The following GRIN1 variants were observed in gnomAD, a reference collection of about 807,000 sequenced individuals.
GRIN1 encodes glutamate receptor ionotropic, NMDA 1.
A neutral mutation model predicts 103.0 loss-of-function variants in GRIN1; 38 were observed. That is an observed-to-expected ratio of 0.37 (90% confidence interval 0.28 to 0.48). GRIN1 has a LOEUF of 0.48. Ranked by LOEUF, GRIN1 falls within the 20% of genes least tolerant of loss-of-function variation. The pLI, the probability that GRIN1 is intolerant of heterozygous loss-of-function variation, is 0.98. For synonymous variants in GRIN1, 544 were observed against 532.7 expected, an observed-to-expected ratio of 1.02 and a Z score of -0.29; for missense variants, 577 against 1,288.9, an observed-to-expected ratio of 0.45 and a Z score of 8.46.
intron 2 of GRIN1, among the ~76,000 whole-genome samples, chr9:137,144,489 C>T (rs1388188810): frequency 6.6e-6 from 1 of 151,856 alleles, no homozygotes; most frequent in African/African-American, 2.4e-5. Flanking sequence ...CCCATCTCCA[C>T]TAAAAATACA....
intron 2 of GRIN1, among the ~76,000 whole-genome samples, chr9:137,144,573 T>G (rs1190468593): frequency 1.3e-5 from 2 of 150,304 alleles, no homozygotes; most frequent in Non-Finnish European, 3.0e-5. Flanking sequence ...GAGAATGGTG[T>G]GAACCCAGGA....
chr9:137,165,461 C>T lies in GRIN1; in HGVS notation c.2700+165C>T, dbSNP rs965106820. 4.5e-6 allele frequency: 3 copies of T among 673,138 alleles called. No homozygotes were observed. The Admixed American group carries it at 6.2e-5, about 14-fold the overall frequency. The allele number at this position is 673,138 out of a possible 1,614,324, so 41.7% of individuals were successfully genotyped here. ...CCAGCCCGCCCATGCTGCTCTCTCT[C>T]ACTCTCTGGACCTTTCTCCCCGGCC... On this transcript the variant is annotated intron_variant, in intron 19 of 19. Transcript: ENST00000371561.
At chr9:137,142,476 A>G (rs1832231312) in intron 2 of GRIN1, among the ~76,000 whole-genome samples, 1 of 151,116 alleles carries the variant, frequency 6.6e-6, no homozygotes, top group South Asian at 2.1e-4. Flanking sequence ...TCACACACAC[A>G]TCACACACTC....
In GRIN1 at chr9:137,139,473, C is replaced by G. The variant is rs1437206561; in HGVS notation, c.-14C>G. ...CGTTCGCGCCGCGCAGAGCCAGGCC[C>G]GCGGCCCGAGCCCATGAGCACCATG... On this transcript the variant is annotated 5_prime_UTR_variant, in exon 1 of 20. Coordinates refer to ENST00000371561, the MANE Select transcript of GRIN1 (RefSeq NM_007327.4). The surrounding 1 kb of genome is among the most constrained non-coding windows in gnomAD (Gnocchi z 7.7). The G allele has an allele frequency of 2.6e-6, 4 of 1,555,950 alleles. No homozygotes were observed. Among genetic ancestry groups the G allele is most frequent in the Admixed American group, 1.8e-5 (1 of 55,982 alleles).
intron 2 of GRIN1, among the ~76,000 whole-genome samples, chr9:137,142,533 C>G (rs1277406688): frequency 1.3e-5 from 2 of 152,192 alleles, no homozygotes; most frequent in Non-Finnish European, 2.9e-5. Flanking sequence ...GCTCACCCTC[C>G]CCACACATGA....
In GRIN1 at chr9:137,142,225, G is replaced by A. The variant is rs939425683; in HGVS notation, c.393+78G>A. On this transcript the variant is annotated intron_variant, in intron 2 of 19. Transcript: ENST00000371561. Reference sequence around the variant, plus strand: ...CTGGCCACTCCAGGAGCAGCGGGCCGACCCGCTCACATGGAACTCACACAC... The same window carrying A: ...CTGGCCACTCCAGGAGCAGCGGGCCAACCCGCTCACATGGAACTCACACAC... 3.9e-5 allele frequency: 57 copies of A among 1,471,992 alleles called. No individual in the cohort carries two copies. The African/African-American group carries it at 4.0e-4, about 10-fold the overall frequency. 91.2% of individuals were successfully genotyped at this position (1,471,992 alleles called of 1,614,324 possible).
At chr9:137,154,802 C>T (rs1226886215) in intron 4 of GRIN1, among the ~76,000 whole-genome samples, 2 of 152,172 alleles carry the variant, frequency 1.3e-5, no homozygotes, top group African/African-American at 4.8e-5. Flanking sequence ...GGAAAGGACC[C>T]TCCTCTCACA....
In GRIN1 at chr9:137,163,919, C is replaced by A; in HGVS notation, c.2589+15C>A. 1 of 1,611,680 alleles carries A rather than the reference C, an allele frequency of 6.2e-7. No individual in the cohort carries two copies. Among genetic ancestry groups the A allele is most frequent in the South Asian group, 1.1e-5 (1 of 91,038 alleles). On this transcript the variant is annotated intron_variant, in intron 18 of 19. Transcript: ENST00000371561. Reference sequence around the variant, plus strand: ...AGAACCTGCAGGTAGGGCAGGCCACCCTCCGAGGCCTGGTGCCCAGGGCCC... The same window carrying A: ...AGAACCTGCAGGTAGGGCAGGCCACACTCCGAGGCCTGGTGCCCAGGGCCC...
At chr9:137,159,189 T>C (rs983939677) in intron 8 of GRIN1, among the ~76,000 whole-genome samples, 2 of 152,084 alleles carry the variant, frequency 1.3e-5, no homozygotes, top group South Asian at 4.1e-4. Flanking sequence ...CCTCGCCGGC[T>C]TCCTCCTCCA....
intron 18 of GRIN1, 161 bp downstream of exon 18, chr9:137,164,065 G>A (rs1168371902): frequency 1.0e-5 from 9 of 880,130 alleles, no homozygotes; most frequent in East Asian, 2.6e-5. Flanking sequence ...GGGCACGGGG[G>A]CAGCACCGGT....
At chr9:137,155,300 T>A (rs2131266126) in intron 4 of GRIN1, among the ~76,000 whole-genome samples, 1 of 152,146 alleles carries the variant, frequency 6.6e-6, no homozygotes, top group East Asian at 1.9e-4. Flanking sequence ...TGGTGTTGGG[T>A]CTTGCTGGAC....
At chr9:137,148,041 C>T (rs368285876) in intron 3 of GRIN1, 2 of 702,154 alleles carry the variant, frequency 2.8e-6, no homozygotes, top group South Asian at 1.8e-5. Context: ...GGTAGGAGCC[C>T]GTCTGCAGAC....
intron 8 of GRIN1, 55 bp from the exon 9 acceptor site, chr9:137,161,001 C>T (rs1205607165): frequency 1.9e-6 from 3 of 1,610,086 alleles, no homozygotes; most frequent in Non-Finnish European, 2.5e-6. Flanking sequence ...AAGAGACTGC[C>T]GCCCTGGGCA....
intron 19 of GRIN1, among the ~76,000 whole-genome samples, chr9:137,166,139 AGGGAG>A (rs1833867070): frequency 6.6e-6 from 1 of 152,130 alleles, no homozygotes; most frequent in African/African-American, 2.4e-5. Flanking sequence ...GTTCCCAGAC[AGGGAG>A]GCCTCTGGAA....
intron 2 of GRIN1, among the ~76,000 whole-genome samples, chr9:137,142,368 C>T (rs1832224227): frequency 6.6e-6 from 1 of 152,242 alleles, no homozygotes; most frequent in South Asian, 2.1e-4. Flanking sequence ...ACACACAATA[C>T]ACACTCTCTT....
intron 1 of GRIN1, among the ~76,000 whole-genome samples, chr9:137,140,540 C>G: frequency 6.6e-6 from 1 of 152,242 alleles, no homozygotes; most frequent in East Asian, 1.9e-4. Flanking sequence ...CACTCATGCA[C>G]CTCAGCATCA....
intron 3 of GRIN1, among the ~76,000 whole-genome samples, chr9:137,147,286 TCA>T (rs377179831): frequency 1.3e-5 from 2 of 151,318 alleles, no homozygotes; most frequent in African/African-American, 2.4e-5. Flanking sequence ...GGTGCGCTCC[TCA>T]CACACACACC....
In GRIN1 at chr9:137,163,924, G is replaced by C; in HGVS notation, c.2589+20G>C. 6.2e-7 allele frequency: 1 copy of C among 1,611,736 alleles called. No individual in the cohort carries two copies. Among genetic ancestry groups the C allele is most frequent in the African/African-American group, 1.3e-5 (1 of 75,046 alleles). On this transcript the variant is annotated intron_variant, in intron 18 of 19. Coordinates refer to ENST00000371561, the MANE Select transcript of GRIN1 (RefSeq NM_007327.4). Reference sequence around the variant, plus strand: ...CTGCAGGTAGGGCAGGCCACCCTCCGAGGCCTGGTGCCCAGGGCCCGGCCT... The same window carrying C: ...CTGCAGGTAGGGCAGGCCACCCTCCCAGGCCTGGTGCCCAGGGCCCGGCCT...
At chr9:137,142,770 C>T (rs1225023030) in intron 2 of GRIN1, among the ~76,000 whole-genome samples, 1 of 152,186 alleles carries the variant, frequency 6.6e-6, no homozygotes, top group African/African-American at 2.4e-5. Flanking sequence ...CCACTGCAGG[C>T]ATGGGTGGAG....
Sources: gnomAD v4.1 joint callset for allele counts (sites outside exome capture counted in the v4.1 genomes callset) on GRCh38, gnomAD v4.1.1 for gene constraint, Gnocchi (gnomAD v3.1) non-coding constraint, MANE v1.5 for transcripts, NCBI Gene and HGNC (gene_info 2026-07-23, HGNC 2026-07-21) for gene names.